Variants in FANCL observed in about 807,000 individuals in gnomAD.
FANCL encodes FA complementation group L, also known as E3 ubiquitin-protein ligase FANCL.
In FANCL, 69 loss-of-function variants were observed where a neutral mutation model predicts 59.4. That is an observed-to-expected ratio of 1.16 (90% confidence interval 0.96 to 1.42). The LOEUF (loss-of-function observed/expected upper bound fraction) is 1.42. Among genes scored for constraint, FANCL ranks in the 40% most tolerant of loss-of-function variants. The pLI, the probability that FANCL is intolerant of heterozygous loss-of-function variation, is 0.00. For missense variants in FANCL, 519 were observed against 447.2 expected (o/e 1.16, Z -1.45); for synonymous variants, 180 against 147.1 (o/e 1.22, Z -1.62).
chr2:58,178,033 A>C (rs1175239573), intron 7 of FANCL, among the ~76,000 whole-genome samples: 1 of 152,076 alleles, frequency 6.6e-6, no homozygotes, highest in Non-Finnish European at 1.5e-5. Context: ...TCCCAAGACT[A>C]AATCAGGAAG....
intron 7 of FANCL, among the ~76,000 whole-genome samples, chr2:58,185,218 T>C (rs1318628139): frequency 6.6e-6 from 1 of 152,024 alleles, no homozygotes; most frequent in Non-Finnish European, 1.5e-5. Flanking sequence ...TCCACATCAT[T>C]TGAAAAGAGC....
intron 7 of FANCL, among the ~76,000 whole-genome samples, chr2:58,193,622 A>G (rs1263526760): frequency 6.6e-6 from 1 of 152,158 alleles, no homozygotes; most frequent in East Asian, 1.9e-4. Flanking sequence ...AAGAAAAAGC[A>G]TAAGAAATTA....
At chr2:58,204,026 T>C in intron 6 of FANCL, 104 bp downstream of exon 6, 1 of 871,600 alleles carries the variant, frequency 1.1e-6, no homozygotes, top group South Asian at 1.3e-5. Flanking sequence ...GCATGATATA[T>C]GTATTTTTAG....
chr2:58,207,707 T>C (rs1690731449), intron 5 of FANCL, among the ~76,000 whole-genome samples: 1 of 152,078 alleles, frequency 6.6e-6, no homozygotes, highest in Non-Finnish European at 1.5e-5. Context: ...GAAGAGATCT[T>C]AAAGGAAAAA....
chr2:58,168,303 G>C (rs1238457480), intron 7 of FANCL, among the ~76,000 whole-genome samples: 1 of 152,122 alleles, frequency 6.6e-6, no homozygotes, highest in Non-Finnish European at 1.5e-5. Flanking sequence ...CAGAGGGCGA[G>C]CCAAAGCAGG....
At chr2:58,180,466 C>T (rs1287053400) in intron 7 of FANCL, among the ~76,000 whole-genome samples, 1 of 151,602 alleles carries the variant, frequency 6.6e-6, no homozygotes, top group Non-Finnish European at 1.5e-5. Flanking sequence ...AACAGAAAAC[C>T]AAACACTGCA....
intron 1 of FANCL, among the ~76,000 whole-genome samples, chr2:58,240,093 G>A (rs1694374642): frequency 1.4e-5 from 2 of 146,804 alleles, no homozygotes; most frequent in African/African-American, 5.1e-5. Flanking sequence ...CTAAAATTAG[G>A]TATAACATGC....
intron 1 of FANCL, among the ~76,000 whole-genome samples, chr2:58,233,731 G>A (rs1300814821): frequency 6.6e-6 from 1 of 151,860 alleles, no homozygotes; most frequent in Non-Finnish European, 1.5e-5. Context: ...GGAGGACTAA[G>A]TAAGTGTAAA....
chr2:58,159,252 T>C lies in FANCL; in HGVS notation c.*513A>G. The C allele has an allele frequency of 4.3e-6, 4 of 930,826 alleles. No individual in the cohort carries two copies. The highest frequency in any genetic ancestry group is 6.4e-6 in the Non-Finnish European group (4 of 626,288). The allele number at this position is 930,826 out of a possible 1,614,324, so 57.7% of individuals were successfully genotyped here. A position where few individuals can be genotyped will look rare whatever the true frequency, so the allele number is the denominator to read the frequency against. The stretch of plus-strand genomic sequence containing the variant: ...AATAACACGCAAAAACTTGATCTTG[T>C]ATAACATTTTATTTAGCATTCTTAC... On this transcript the variant is annotated 3_prime_UTR_variant, in exon 14 of 14. Coordinates refer to ENST00000233741, the MANE Select transcript of FANCL (RefSeq NM_018062.4).
intron 7 of FANCL, among the ~76,000 whole-genome samples, chr2:58,183,279 G>C (rs1354442495): frequency 6.6e-6 from 1 of 151,724 alleles, no homozygotes; most frequent in Non-Finnish European, 1.5e-5. Context: ...AAACTCTTAA[G>C]TTTAGAGATT....
chr2:58,214,331 T>C (rs1443792461), intron 5 of FANCL, among the ~76,000 whole-genome samples: 1 of 152,188 alleles, frequency 6.6e-6, no homozygotes, highest in African/African-American at 2.4e-5. Context: ...AAGACAACAC[T>C]TTCTATTTAG....
chr2:58,197,811 T>C (rs1176890472), intron 7 of FANCL, among the ~76,000 whole-genome samples: 2 of 152,186 alleles, frequency 1.3e-5, no homozygotes, highest in African/African-American at 2.4e-5. Context: ...AAGGTTTATG[T>C]TTTCAGTCAT....
Position 58,232,103 on chromosome 2 carries a change from A to C in FANCL, c.106T>G (p.Phe36Val). ...EGFISAQGRD[F>V]HLRIVLPEDL... ...TCAGGCAACACTATCCTAAGGTGGA[A>C]GTCTCTTCCCTGTGGAAAATATTGA... is the stretch of plus-strand genomic sequence containing the variant. The change falls in exon 2 of 14, where the codon TTC (phenylalanine) becomes GTC (valine). Residue 36 changes from phenylalanine (F) to valine (V), a missense_variant. Coordinates refer to ENST00000233741, the MANE Select transcript of FANCL (RefSeq NM_018062.4). The C allele has an allele frequency of 6.2e-7, 1 of 1,613,100 alleles. No homozygotes were observed. Among genetic ancestry groups the C allele is most frequent in the Non-Finnish European group, 8.5e-7 (1 of 1,179,318 alleles).
At chr2:58,196,312 A>G (rs1179910424) in intron 7 of FANCL, among the ~76,000 whole-genome samples, 3 of 152,096 alleles carry the variant, frequency 2.0e-5, no homozygotes, top group African/African-American at 7.2e-5. Flanking sequence ...TTTTTAAGAC[A>G]AAGAGAAATA....
chr2:58,176,442 A>G (rs1432548706), intron 7 of FANCL, among the ~76,000 whole-genome samples: 1 of 152,036 alleles, frequency 6.6e-6, no homozygotes, highest in Non-Finnish European at 1.5e-5. Flanking sequence ...ATATAGATCA[A>G]TGGAACAGAA....
intron 7 of FANCL, among the ~76,000 whole-genome samples, chr2:58,188,983 C>A (rs540006327): frequency 1.3e-5 from 2 of 152,114 alleles, no homozygotes; most frequent in African/African-American, 4.8e-5. Context: ...AGTAATTCTG[C>A]CAAGGAAAAA....
intron 7 of FANCL, among the ~76,000 whole-genome samples, chr2:58,170,537 C>T (rs773589908): frequency 4.6e-5 from 7 of 151,604 alleles, no homozygotes; most frequent in Non-Finnish European, 8.9e-5. Context: ...TAAATGTAAA[C>T]GAGCTAAATC....
At chr2:58,209,628 T>C (rs1690933801) in intron 5 of FANCL, among the ~76,000 whole-genome samples, 1 of 152,178 alleles carries the variant, frequency 6.6e-6, no homozygotes, top group African/African-American at 2.4e-5. Flanking sequence ...TTGATACACC[T>C]ACTTTACACT....
chr2:58,230,100 G>A (rs1269217997), intron 2 of FANCL, among the ~76,000 whole-genome samples: 1 of 152,102 alleles, frequency 6.6e-6, no homozygotes, highest in Non-Finnish European at 1.5e-5. Context: ...CATGCAAACA[G>A]TACATCTTGT....
Sources: gnomAD v4.1 joint callset for allele counts (sites outside exome capture counted in the v4.1 genomes callset) on GRCh38, gnomAD v4.1.1 for gene constraint, MANE v1.5 for transcripts, NCBI Gene and HGNC (gene_info 2026-07-23, HGNC 2026-07-21) for gene names.